Variants in FGFR2 observed in about 807,000 individuals in gnomAD.
FGFR2 encodes the protein fibroblast growth factor receptor 2.
In FGFR2, 19 loss-of-function variants were observed where a neutral mutation model predicts 95.9. That is an observed-to-expected ratio of 0.20 (90% CI 0.14 to 0.29). The LOEUF is 0.29. FGFR2 is among the 10% of genes least tolerant of loss of function. FGFR2 has a pLI of 1.00. For missense variants in FGFR2, 707 were observed against 1,056.9 expected (o/e 0.67, Z 4.59); for synonymous variants, 392 against 393.3 (o/e 1.00, Z 0.04).
chr10:121,560,191 A>C (rs1856744922), intron 4 of FGFR2, among the ~76,000 whole-genome samples: 1 of 152,106 alleles, frequency 6.6e-6, no homozygotes. Flanking sequence ...TCAATAAAGC[A>C]AGAATAAATA....
At chr10:121,585,925 G>A (rs1188198877) in intron 2 of FGFR2, among the ~76,000 whole-genome samples, 3 of 152,170 alleles carry the variant, frequency 2.0e-5, no homozygotes, top group Admixed American at 6.5e-5. Context: ...CACATCTTTG[G>A]GGGCAATCCC....
At chr10:121,537,734 GGT>G (rs1853065708) in intron 6 of FGFR2, among the ~76,000 whole-genome samples, 2 of 151,894 alleles carry the variant, frequency 1.3e-5, no homozygotes. Context: ...GAAGGCTCAA[GGT>G]GGCAGGTTGA....
intron 9 of FGFR2, among the ~76,000 whole-genome samples, chr10:121,505,139 G>A (rs1848110931): frequency 6.6e-6 from 1 of 152,200 alleles, no homozygotes. Context: ...AACTTTCACA[G>A]GGTGGGTCCT....
In FGFR2 at chr10:121,518,585, C is replaced by A; in HGVS notation, c.940-1122G>T. 1 of 1,380,504 alleles carries A rather than the reference C, an allele frequency of 7.2e-7. No individual in the cohort carries two copies. The highest frequency in any genetic ancestry group is 1.0e-6 in the Non-Finnish European group (1 of 982,794). 85.5% of individuals were successfully genotyped at this position (1,380,504 alleles called of 1,614,324 possible). On this transcript the variant is annotated intron_variant, in intron 7 of 17. Coordinates refer to ENST00000358487, the MANE Select transcript of FGFR2 (RefSeq NM_000141.5). This position sits in a 1 kb window ranked among gnomAD's most constrained non-coding sequence, Gnocchi z 4.0. ...AATATACCAAGGCCACAAGAGTTATCCTATAAGCTGCCTGCAGTCTCCCAA... is the reference window on the plus strand; with the variant it reads ...AATATACCAAGGCCACAAGAGTTATACTATAAGCTGCCTGCAGTCTCCCAA...
intron 2 of FGFR2, among the ~76,000 whole-genome samples, chr10:121,578,306 C>T (rs1443472511): frequency 6.6e-6 from 1 of 152,216 alleles, no homozygotes; most frequent in Non-Finnish European, 1.5e-5. Flanking sequence ...GCTTACCTGT[C>T]CACATGGGCA....
At chr10:121,591,706 A>G (rs1862678159) in intron 2 of FGFR2, among the ~76,000 whole-genome samples, 2 of 152,194 alleles carry the variant, frequency 1.3e-5, no homozygotes, top group Admixed American at 6.5e-5. Flanking sequence ...AAATGAACTC[A>G]TAGCTCATGG....
intron 1 of FGFR2, among the ~76,000 whole-genome samples, chr10:121,595,272 A>T (rs567282570): frequency 1.8e-4 from 27 of 152,250 alleles, no homozygotes; most frequent in Non-Finnish European, 3.4e-4. Flanking sequence ...CTCATCATAA[A>T]AACTGCTCCT....
intron 4 of FGFR2, among the ~76,000 whole-genome samples, chr10:121,553,549 T>C (rs1855695955): frequency 6.6e-6 from 1 of 152,224 alleles, no homozygotes; most frequent in African/African-American, 2.4e-5. Flanking sequence ...TAATGAGCTT[T>C]GTCACTACAC....
chr10:121,571,424 G>A (rs1449794064), intron 2 of FGFR2, among the ~76,000 whole-genome samples: 1 of 150,622 alleles, frequency 6.6e-6, no homozygotes, highest in Non-Finnish European at 1.5e-5. Flanking sequence ...TCAGCCTCTG[G>A]AGTAATGGGA....
At position 121,566,150 on chromosome 10, in the gene FGFR2, C is replaced by G. The variant is rs78475432; in HGVS notation, c.110-446G>C. Among the ~76,000 whole-genome samples the G allele has an allele frequency of 4.3e-3, 650 of 152,306 alleles. 8 individuals are homozygous for G. Among genetic ancestry groups the G allele is most frequent in the African/African-American group, 0.015 (619 of 41,570 alleles). On this transcript the variant is annotated intron_variant, in intron 2 of 17. Coordinates refer to ENST00000358487, the MANE Select transcript of FGFR2 (RefSeq NM_000141.5). ...TACACTCTTTATTATTTGTGCTAGA[C>G]TTGGTCTGTTGCCCCAAGGCCAAGC... is the stretch of plus-strand genomic sequence containing the variant.
chr10:121,573,110 C>A (rs1464144944), intron 2 of FGFR2, among the ~76,000 whole-genome samples: 1 of 152,220 alleles, frequency 6.6e-6, no homozygotes, highest in Non-Finnish European at 1.5e-5. Flanking sequence ...CCAGCGATAG[C>A]AGCACTTCAG....
At chr10:121,491,077 C>A (rs1299527643) in intron 13 of FGFR2, among the ~76,000 whole-genome samples, 1 of 152,210 alleles carries the variant, frequency 6.6e-6, no homozygotes, top group Non-Finnish European at 1.5e-5. Flanking sequence ...GTGTGTCTGG[C>A]AAGCTGTGTG....
chr10:121,514,286 T>A (rs1849406688), intron 9 of FGFR2, among the ~76,000 whole-genome samples: 1 of 152,218 alleles, frequency 6.6e-6, no homozygotes, highest in Admixed American at 6.5e-5. Context: ...TCCGCTTCCA[T>A]CTCTGTGAAT....
chr10:121,595,327 G>A (rs2032400877), intron 1 of FGFR2, among the ~76,000 whole-genome samples: 1 of 152,206 alleles, frequency 6.6e-6, no homozygotes, highest in African/African-American at 2.4e-5. Context: ...AAAAGAATAT[G>A]CCACATCATT....
rs751236652 is a variant in FGFR2, at chr10:121,564,555, T to A, written c.401A>T (p.Glu134Val). Reference protein sequence around the residue: ...VTDAISSGDDEDDTDGAEDFV... With the variant: ...VTDAISSGDDVDDTDGAEDFV... ...ATCTTCCGCACCATCGGTGTCATCC[T>A]CATCATCTCCGGATGAGATGGCATC... Residue 134 changes from glutamate to valine, a missense_variant, in exon 4 of 18, where the codon GAG (glutamate) becomes GTG (valine). Physicochemically the swap from Glu to Val is moderately radical, Grantham distance 121 (BLOSUM62 -2). Coordinates refer to ENST00000358487, the MANE Select transcript of FGFR2 (RefSeq NM_000141.5). The A allele has an allele frequency of 1.9e-6, 3 of 1,613,958 alleles. No individual in the cohort carries two copies. The highest frequency in any genetic ancestry group is 2.5e-6 in the Non-Finnish European group (3 of 1,179,954).
At chr10:121,503,735 A>T (rs2134050518) in intron 10 of FGFR2, 55 bp downstream of exon 10, 2 of 1,598,988 alleles carry the variant, frequency 1.3e-6, no homozygotes, top group Non-Finnish European at 1.7e-6. Flanking sequence ...TTAATCCAAT[A>T]TCCCCATTTA....
chr10:121,520,502 A>ACTTCC (rs1850389162), intron 6 of FGFR2, among the ~76,000 whole-genome samples: 1 of 152,238 alleles, frequency 6.6e-6, no homozygotes, highest in Non-Finnish European at 1.5e-5. Flanking sequence ...AGGGGAGGGA[A>ACTTCC]GCTTCTTCAC....
chr10:121,504,011 C>T (rs1398227913), intron 9 of FGFR2, 70 bp from the exon 10 acceptor site: 36 of 1,576,636 alleles, frequency 2.3e-5, no homozygotes, highest in Non-Finnish European at 3.1e-5. Flanking sequence ...TCAGCCAGAG[C>T]CCAGCCAGAG....
intron 9 of FGFR2, among the ~76,000 whole-genome samples, chr10:121,514,710 T>C (rs1849464523): frequency 6.6e-6 from 1 of 152,224 alleles, no homozygotes; most frequent in African/African-American, 2.4e-5. Flanking sequence ...TCTTTCGTAC[T>C]AGTGGCATAA....
Sources: allele counts gnomAD v4.1 joint callset (sites outside exome capture counted in the v4.1 genomes callset), GRCh38; gene constraint gnomAD v4.1.1; non-coding constraint Gnocchi (gnomAD v3.1); transcripts MANE v1.5; gene names NCBI Gene and HGNC (gene_info 2026-07-23, HGNC 2026-07-21).